LAMA3: variants seen among roughly 807,000 people sequenced by gnomAD.
LAMA3 encodes the protein laminin subunit alpha 3, also known as laminin subunit alpha-3.
Under a neutral mutation model 402.0 loss-of-function variants are expected in LAMA3, and 281 were observed. The observed-to-expected ratio is 0.70, with a 90% CI of 0.63 to 0.77. The LOEUF (loss-of-function observed/expected upper bound fraction) is 0.77. Ranked by LOEUF, LAMA3 falls within the 30% of genes least tolerant of loss-of-function variation. The pLI, the probability that LAMA3 is intolerant of heterozygous loss-of-function variation, is 0.00. For synonymous variants in LAMA3, 1,431 were observed against 1,558.4 expected (o/e 0.92, Z 1.93); for missense variants, 3,840 against 4,215.5 (o/e 0.91, Z 2.47).
chr18:23,780,852 A>G (rs551299780), intron 11 of LAMA3, among the ~76,000 whole-genome samples: 1 of 152,324 alleles, frequency 6.6e-6, no homozygotes, highest in South Asian at 2.1e-4. Flanking sequence ...GCATTGGGTC[A>G]CTGTCAAGGG....
intron 38 of LAMA3, 106 bp downstream of exon 38, chr18:23,871,767 C>G: frequency 1.1e-6 from 1 of 874,384 alleles, no homozygotes; most frequent in Non-Finnish European, 1.9e-6. Flanking sequence ...TCTATTGTTT[C>G]TCTGTTCAAG....
At position 23,732,856 on chromosome 18, in the gene LAMA3, G is replaced by A. The variant is rs1231228994; in HGVS notation, c.448-15087G>A. Among the ~76,000 whole-genome samples, 4 of 152,088 alleles carry A rather than the reference G, an allele frequency of 2.6e-5. No homozygotes were observed. In the East Asian group the frequency reaches 7.7e-4, roughly 29 times the overall value. On this transcript the variant is annotated intron_variant, in intron 2 of 74. Transcript: ENST00000313654. ...GTTGTAAAGGCCACAAAACATGTAA[G>A]CATTAGTACCTGGCACAAACTAAAT...
intron 7 of LAMA3, among the ~76,000 whole-genome samples, chr18:23,760,895 G>A (rs765433907): frequency 1.5e-4 from 23 of 152,174 alleles, no homozygotes; most frequent in Admixed American, 4.6e-4. Flanking sequence ...GTGGTGGAAC[G>A]GGCAAGGAAG....
intron 23 of LAMA3, among the ~76,000 whole-genome samples, chr18:23,831,866 G>A (rs2063496227): frequency 6.6e-6 from 1 of 152,144 alleles, no homozygotes; most frequent in Non-Finnish European, 1.5e-5. Context: ...ATAACTAGTG[G>A]AGGTCAGTTC....
chr18:23,749,523 A>C lies in LAMA3; in HGVS notation c.661A>C (p.Ile221Leu). ...DVLCVTEYSR[I>L]VPLENGEVVV... ...ACTTTGTGTTACTGAATATTCCCGTATTGTACCTTTGGAAAATGGTGAGGT... is the reference window on the plus strand; with the variant it reads ...ACTTTGTGTTACTGAATATTCCCGTCTTGTACCTTTGGAAAATGGTGAGGT... The change falls in exon 4 of 75, where the codon ATT (isoleucine) becomes CTT (leucine). Residue 221 changes from isoleucine (I) to leucine (L), a missense_variant. Ile to Leu is a conservative substitution (Grantham distance 5, BLOSUM62 2). Coordinates refer to ENST00000313654, the MANE Select transcript of LAMA3 (RefSeq NM_198129.4). The C allele has an allele frequency of 1.2e-6, 2 of 1,606,140 alleles. No individual in the cohort carries two copies. The highest frequency in any genetic ancestry group is 1.7e-6 in the Non-Finnish European group (2 of 1,172,794).
rs1470185621 is a variant in LAMA3 at position 23,750,934 on chromosome 18, T to C, written c.701T>C (p.Ile234Thr). 1.2e-6 allele frequency: 2 copies of C among 1,614,168 alleles called. No homozygotes were observed. Among genetic ancestry groups the C allele is most frequent in the East Asian group, 2.2e-5 (1 of 44,888 alleles). Residue 234 changes from isoleucine (I) to threonine (T), a missense_variant, in exon 5 of 75, where the codon ATA (isoleucine) becomes ACA (threonine). Physicochemically the swap from Ile to Thr is moderately conservative, Grantham distance 89 (BLOSUM62 -1). Transcript: ENST00000313654. ...LENGEVVVSLINGRPGAKNFT... is the reference protein window; with the variant it reads ...LENGEVVVSLTNGRPGAKNFT... ...TCATTTTAGGTTGTGGTGTCCTTGA[T>C]AAACGGTCGTCCAGGTGCAAAAAAT...
chr18:23,938,106 C>T (rs1039579895), intron 67 of LAMA3, among the ~76,000 whole-genome samples: 2 of 152,146 alleles, frequency 1.3e-5, no homozygotes. Flanking sequence ...GAATCACATC[C>T]GCACCACACC....
At chr18:23,791,416 A>T (rs2062651284) in intron 12 of LAMA3, among the ~76,000 whole-genome samples, 1 of 152,152 alleles carries the variant, frequency 6.6e-6, no homozygotes, top group Admixed American at 6.6e-5. Flanking sequence ...GGGAAAAATG[A>T]TAGATAATTG....
chr18:23,912,831 G>T lies in LAMA3; in HGVS notation c.7279G>T (p.Glu2427Ter). 1 of 1,614,080 alleles carries T rather than the reference G, an allele frequency of 6.2e-7. No homozygotes were observed. Among genetic ancestry groups the T allele is most frequent in the Non-Finnish European group, 8.5e-7 (1 of 1,179,880 alleles). The change falls in exon 56 of 75, where the codon GAA becomes TAA. Residue 2427 changes from glutamate (E) to a stop codon, truncating the protein, a stop_gained. Coordinates refer to ENST00000313654, the MANE Select transcript of LAMA3 (RefSeq NM_198129.4). LOFTEE classifies it high-confidence loss of function. ...SLFLQRPNSR[E>*]NGGTENMFVM... is the part of the protein sequence containing the mutation. ...GTTTCTCCAAAGGCCCAACTCAAGAGAAAATGGGGGTACTGAGAATATGTT... is the reference window on the plus strand; with the variant it reads ...GTTTCTCCAAAGGCCCAACTCAAGATAAAATGGGGGTACTGAGAATATGTT...
chr18:23,951,682 A>G lies in LAMA3; in HGVS notation c.9643-2A>G. On this transcript the variant is annotated splice_acceptor_variant, in intron 72 of 74. Coordinates refer to ENST00000313654, the MANE Select transcript of LAMA3 (RefSeq NM_198129.4). LOFTEE classifies it high-confidence loss of function. ...AAATAGGAAAATGCATGTGTGTTCC[A>G]GGTCACGGCCTCTATGGACAGTGGG... The G allele has an allele frequency of 6.2e-7, 1 of 1,612,992 alleles. No individual in the cohort carries two copies. The highest frequency in any genetic ancestry group is 8.5e-7 in the Non-Finnish European group (1 of 1,179,098).
chr18:23,787,226 G>C (rs1447929827), intron 12 of LAMA3, among the ~76,000 whole-genome samples: 1 of 152,206 alleles, frequency 6.6e-6, no homozygotes, highest in Non-Finnish European at 1.5e-5. Context: ...AAGTTGCAGT[G>C]AGCCAAGATC....
At chr18:23,881,265 T>A (rs2064886190) in intron 39 of LAMA3, among the ~76,000 whole-genome samples, 2 of 152,224 alleles carry the variant, frequency 1.3e-5, no homozygotes, top group Admixed American at 1.3e-4. Flanking sequence ...ATAAAAAGCT[T>A]AGATAACATT....
intron 24 of LAMA3, chr18:23,834,821 A>C (rs1390152463): frequency 6.6e-6 from 1 of 152,244 alleles, no homozygotes; most frequent in East Asian, 1.9e-4. Context: ...GAAAACAAAT[A>C]AACAAATAAA....
At chr18:23,770,747 C>G (rs1395935201) in intron 8 of LAMA3, among the ~76,000 whole-genome samples, 3 of 151,964 alleles carry the variant, frequency 2.0e-5, no homozygotes, top group East Asian at 1.9e-4. Flanking sequence ...GGCGACAGAG[C>G]GAGACTCTGT....
chr18:23,877,957 C>A (rs970197125), intron 39 of LAMA3, among the ~76,000 whole-genome samples: 59 of 151,812 alleles, frequency 3.9e-4, no homozygotes, highest in Non-Finnish European at 7.2e-4. Flanking sequence ...TAAAAAAATA[C>A]AAAAAATTAT....
intron 12 of LAMA3, among the ~76,000 whole-genome samples, chr18:23,797,986 T>G (rs531645249): frequency 6.6e-6 from 1 of 152,230 alleles, no homozygotes; most frequent in Non-Finnish European, 1.5e-5. Flanking sequence ...TGTTTGTGGG[T>G]TTTTTGACTC....
At chr18:23,758,569 G>T in intron 7 of LAMA3, 58 bp downstream of exon 7, 3 of 1,269,510 alleles carry the variant, frequency 2.4e-6, no homozygotes, top group Non-Finnish European at 3.4e-6. Context: ...CTCCCTGGGG[G>T]CTGAGGCTAT....
intron 62 of LAMA3, among the ~76,000 whole-genome samples, chr18:23,923,469 G>T (rs2081911078): frequency 6.6e-6 from 1 of 152,208 alleles, no homozygotes; most frequent in African/African-American, 2.4e-5. Context: ...AATGGCTTGG[G>T]TTGGGGAATA....
intron 1 of LAMA3, among the ~76,000 whole-genome samples, chr18:23,692,417 G>A (rs182328700): frequency 7.7e-4 from 117 of 152,112 alleles, no homozygotes; most frequent in African/African-American, 2.5e-3. Flanking sequence ...GATTACAGGC[G>A]CCTGCCACCA....
Sources: gnomAD v4.1 joint callset for allele counts (sites outside exome capture counted in the v4.1 genomes callset) on GRCh38, gnomAD v4.1.1 for gene constraint, MANE v1.5 for transcripts, NCBI Gene and HGNC (gene_info 2026-07-23, HGNC 2026-07-21) for gene names.